FARP1: variants seen among roughly 807,000 people sequenced by gnomAD.
The protein encoded by FARP1 is FERM, ARHGEF and pleckstrin domain-containing protein 1.
FARP1 carries 52 observed loss-of-function variants against 128.8 expected under a neutral mutation model. The ratio of observed to expected loss-of-function variants is 0.40; its 90% CI spans 0.32 to 0.51. The LOEUF (loss-of-function observed/expected upper bound fraction) is 0.51. FARP1 is among the 20% of genes least tolerant of loss of function. The probability of loss-of-function intolerance (pLI) is 0.45; values close to 1 mark genes in which losing one functional copy is unlikely to be tolerated. For synonymous variants in FARP1, 580 were observed against 551.8 expected, an observed-to-expected ratio of 1.05 and a Z score of -0.72; for missense variants, 1,333 against 1,367.9, an observed-to-expected ratio of 0.97 and a Z score of 0.40.
In FARP1 at chr13:98,365,584, T is replaced by C. The variant is rs1352177169; in HGVS notation, c.319+147T>C. 1.5e-5 allele frequency: 8 copies of C among 537,410 alleles called. No homozygotes were observed. The East Asian group carries it at 2.0e-4, about 13-fold the overall frequency. 33.3% of individuals were successfully genotyped at this position (537,410 alleles called of 1,614,324 possible). On this transcript the variant is annotated intron_variant, in intron 4 of 26. Transcript: ENST00000319562. ...GCTTTTCATCATCGACTAATCCGTG[T>C]ACTATTAAAATGTGTGTCTTCTGCA...
chr13:98,365,498 T>A, intron 4 of FARP1, 61 bp downstream of exon 4: 1 of 1,234,432 alleles, frequency 8.1e-7, no homozygotes, highest in Non-Finnish European at 1.2e-6. Context: ...GTTTCATGTC[T>A]AGACATCTCT....
rs1320798341 is a variant in FARP1, at chr13:98,314,966, C to T, written c.172-28796C>T. 2.6e-5 allele frequency among the ~76,000 whole-genome samples: 4 copies of T among 152,156 alleles called. No homozygotes were observed. The East Asian group carries it at 7.7e-4, about 29-fold the overall frequency. ...TGGAGTGGAGAAGGTTGGAAAAACA[C>T]CAGGACCCTGTGTGGGCGAGAGAGA... On this transcript the variant is annotated intron_variant, in intron 2 of 26. Coordinates refer to ENST00000319562, the MANE Select transcript of FARP1 (RefSeq NM_005766.4).
chr13:98,240,836 G>A (rs1257846778), intron 2 of FARP1, among the ~76,000 whole-genome samples: 2 of 152,174 alleles, frequency 1.3e-5, no homozygotes, highest in Non-Finnish European at 2.9e-5. Flanking sequence ...AAGGGCTTTC[G>A]GGGAAGGACA....
intron 1 of FARP1, among the ~76,000 whole-genome samples, chr13:98,184,640 C>T (rs1330718729): frequency 6.6e-6 from 1 of 152,132 alleles, no homozygotes; most frequent in Admixed American, 6.5e-5. Context: ...TGCCTGGATT[C>T]CTAATGTCCA....
intron 2 of FARP1, among the ~76,000 whole-genome samples, chr13:98,322,124 C>T (rs1887021288): frequency 1.3e-5 from 2 of 152,164 alleles, no homozygotes; most frequent in African/African-American, 4.8e-5. Flanking sequence ...GTGGTGAAAC[C>T]CTGTCTCTAC....
At chr13:98,224,826 T>C (rs1881665512) in intron 2 of FARP1, among the ~76,000 whole-genome samples, 1 of 152,194 alleles carries the variant, frequency 6.6e-6, no homozygotes, top group Non-Finnish European at 1.5e-5. Flanking sequence ...CTGTGAGGCG[T>C]GGGCTGCTTC....
chr13:98,257,233 A>C (rs1389851646), intron 2 of FARP1, among the ~76,000 whole-genome samples: 2 of 152,042 alleles, frequency 1.3e-5, no homozygotes, highest in Admixed American at 6.6e-5. Flanking sequence ...AAACAACACT[A>C]GTCTTGGCAG....
At chr13:98,149,695 A>G (rs1393464368) in intron 1 of FARP1, among the ~76,000 whole-genome samples, 4 of 123,916 alleles carry the variant, frequency 3.2e-5, no homozygotes, top group Non-Finnish European at 6.9e-5. Flanking sequence ...GACCATTTAT[A>G]TATCTTCTTT....
At chr13:98,186,094 GTTTTCTTTTTC>G (rs1878849032) in intron 1 of FARP1, among the ~76,000 whole-genome samples, 3 of 151,958 alleles carry the variant, frequency 2.0e-5, no homozygotes, top group Admixed American at 2.0e-4. Flanking sequence ...TCTGCAGAAC[GTTTTCTTTTTC>G]TTTTCTTTTT....
At chr13:98,317,424 T>C (rs985451470) in intron 2 of FARP1, among the ~76,000 whole-genome samples, 3 of 152,158 alleles carry the variant, frequency 2.0e-5, no homozygotes, top group Admixed American at 2.0e-4. Flanking sequence ...AACTAGCAAA[T>C]GAAACCCCAT....
intron 3 of FARP1, among the ~76,000 whole-genome samples, chr13:98,351,182 CTG>C (rs1395690114): frequency 2.6e-5 from 4 of 152,040 alleles, no homozygotes; most frequent in Non-Finnish European, 5.9e-5. Flanking sequence ...CTCTTGGGAA[CTG>C]TGAGTAATAA....
At chr13:98,248,047 G>C (rs140705481) in intron 2 of FARP1, among the ~76,000 whole-genome samples, 1 of 152,040 alleles carries the variant, frequency 6.6e-6, no homozygotes, top group South Asian at 2.1e-4. Context: ...AAAAACCTTC[G>C]CAGCCTCTCT....
chr13:98,395,266 G>A lies in FARP1; in HGVS notation c.1204G>A (p.Glu402Lys). The A allele has an allele frequency of 3.7e-6, 6 of 1,605,614 alleles. No homozygotes were observed. Among genetic ancestry groups the A allele is most frequent in the Non-Finnish European group, 4.3e-6 (5 of 1,173,292 alleles). The change falls in exon 13 of 27, where the codon GAA becomes AAA. Residue 402 changes from glutamate to lysine, a missense_variant. Physicochemically the swap from Glu to Lys is moderately conservative, Grantham distance 56. Coordinates refer to ENST00000319562, the MANE Select transcript of FARP1 (RefSeq NM_005766.4). ...CAGCCTTACATTTGGAGAAGGTGCC[G>A]AATCTCCAGGGGGCCAGAGCTGCCG... ...STSLTFGEGA[E>K]SPGGQSCRRG...
chr13:98,270,896 C>T (rs1044907299), intron 2 of FARP1, among the ~76,000 whole-genome samples: 8 of 152,184 alleles, frequency 5.3e-5, no homozygotes, highest in Non-Finnish European at 8.8e-5. Context: ...GCAGGGGCCC[C>T]GAGGGCAGGC....
intron 3 of FARP1, among the ~76,000 whole-genome samples, chr13:98,359,987 G>T (rs906251688): frequency 1.3e-5 from 2 of 152,146 alleles, no homozygotes; most frequent in Admixed American, 1.3e-4. Context: ...CTGAATTATG[G>T]AAGAACAGTG....
Position 98,440,224 on chromosome 13 carries a change from C to G in FARP1, c.2618C>G (p.Pro873Arg). 1 of 1,612,990 alleles carries G rather than the reference C, an allele frequency of 6.2e-7. No homozygotes were observed. The highest frequency in any genetic ancestry group is 8.5e-7 in the Non-Finnish European group (1 of 1,179,064). The change falls in exon 23 of 27, where the codon CCC becomes CGC. Residue 873 changes from proline to arginine, a missense_variant. Physicochemically the swap from Pro to Arg is moderately radical, Grantham distance 103. Coordinates refer to ENST00000319562, the MANE Select transcript of FARP1 (RefSeq NM_005766.4). ...SPAPEFLASS[P>R]PDNKSPDEAT... ...GCCCCTGAGTTCCTGGCCAGCAGCC[C>G]CCCTGACAACAGTGAGTGTGGCCAG...
At chr13:98,422,442 C>T (rs1357841860) in intron 16 of FARP1, among the ~76,000 whole-genome samples, 5 of 152,096 alleles carry the variant, frequency 3.3e-5, no homozygotes, top group Non-Finnish European at 7.4e-5. Context: ...GAGAATGGAC[C>T]AGGTTGAAGA....
intron 11 of FARP1, among the ~76,000 whole-genome samples, chr13:98,391,930 CA>C (rs1333359048): frequency 6.6e-6 from 1 of 152,184 alleles, no homozygotes; most frequent in African/African-American, 2.4e-5. Context: ...CATTTTCATA[CA>C]TTTAAAAATT....
intron 4 of FARP1, among the ~76,000 whole-genome samples, chr13:98,367,044 G>GA (rs1413526980): frequency 6.6e-6 from 1 of 152,108 alleles, no homozygotes; most frequent in Non-Finnish European, 1.5e-5. Context: ...GAACATAAAT[G>GA]TATTGCTATC....
Sources: allele counts gnomAD v4.1 joint callset (sites outside exome capture counted in the v4.1 genomes callset), GRCh38; gene constraint gnomAD v4.1.1; transcripts MANE v1.5; gene names NCBI Gene and HGNC (gene_info 2026-07-23, HGNC 2026-07-21).